EXOSC2: variants seen among roughly 807,000 people sequenced by gnomAD.
EXOSC2 encodes exosome component 2.
A neutral mutation model predicts 37.6 loss-of-function variants in EXOSC2; 29 were observed. The observed-to-expected ratio is 0.77, with a 90% confidence interval of 0.57 to 1.05. The LOEUF is 1.05. Ranked by LOEUF, EXOSC2 falls within the 50% of genes least tolerant of loss-of-function variation. EXOSC2 has a pLI of 0.00. For synonymous variants in EXOSC2, 119 were observed against 131.1 expected (o/e 0.91, Z 0.63); for missense variants, 346 against 365.6 (o/e 0.95, Z 0.44).
In EXOSC2 at chr9:130,702,271, C is replaced by T; in HGVS notation, c.633C>T (p.His211=). 6.2e-7 allele frequency: 1 copy of T among 1,614,092 alleles called. No homozygotes were observed. Among genetic ancestry groups the T allele is most frequent in the Middle Eastern group, 1.6e-4 (1 of 6,062 alleles). Residue 211 remains histidine (H), a synonymous_variant, in exon 7 of 9, where the codon CAC becomes CAT. Coordinates refer to ENST00000372358, the MANE Select transcript of EXOSC2 (RefSeq NM_014285.7). ...GFIWIYPTPE[H]KEEEAGGFIA... ...TCTGGATTTACCCAACACCTGAGCA[C>T]AAAGAAGAGGAAGCAGGGGGCTTCA... is the stretch of plus-strand genomic sequence containing the variant.
In EXOSC2 at chr9:130,693,866, T is replaced by G; in HGVS notation, c.75T>G (p.His25Gln). The G allele has an allele frequency of 6.2e-7, 1 of 1,612,218 alleles. No homozygotes were observed. The highest frequency in any genetic ancestry group is 1.1e-5 in the South Asian group (1 of 91,000). The part of the protein sequence containing the change: ...SERLGRDTKK[H>Q]LVVPGDTITT... ...GACTGGGCCGCGACACTAAGAAACA[T>G]CTAGTGGTGCCGGGGGATACAATCA... The change falls in exon 1 of 9, where the codon CAT becomes CAG. Residue 25 changes from histidine (H) to glutamine (Q), a missense_variant. His to Gln is a conservative substitution (Grantham distance 24). Transcript: ENST00000372358.
At chr9:130,699,486 G>A (rs2132635353) in intron 5 of EXOSC2, 92 bp downstream of exon 5, 4 of 1,270,538 alleles carry the variant, frequency 3.1e-6, no homozygotes, top group South Asian at 1.2e-5. Flanking sequence ...GAAGAACCAT[G>A]TCATCCTTGC....
At position 130,693,840 on chromosome 9, in the gene EXOSC2, A is replaced by G. The variant is rs780124515; in HGVS notation, c.49A>G (p.Arg17Gly). The G allele has an allele frequency of 6.2e-7, 1 of 1,611,262 alleles. No homozygotes were observed. The highest frequency in any genetic ancestry group is 8.5e-7 in the Non-Finnish European group (1 of 1,178,330). Residue 17 changes from arginine (R) to glycine (G), a missense_variant, in exon 1 of 9, where the codon AGA (arginine) becomes GGA (glycine). Coordinates refer to ENST00000372358, the MANE Select transcript of EXOSC2 (RefSeq NM_014285.7). ...AGTGGCTCGCAAGCCTCTTAGCGAGAGACTGGGCCGCGACACTAAGAAACA... is the reference window on the plus strand; with the variant it reads ...AGTGGCTCGCAAGCCTCTTAGCGAGGGACTGGGCCGCGACACTAAGAAACA... ...LPVARKPLSE[R>G]LGRDTKKHLV...
At position 130,695,665 on chromosome 9, in the gene EXOSC2, C is replaced by G. The variant is rs116465881; in HGVS notation, c.224+72C>G. On this transcript the variant is annotated intron_variant, in intron 2 of 8. Coordinates refer to ENST00000372358, the MANE Select transcript of EXOSC2 (RefSeq NM_014285.7). ...ACAACCAGGCTTTTCCTGCCCCCTCCTTATCCCCCACCCCACCCCTGCCTG... is the reference window on the plus strand; with the variant it reads ...ACAACCAGGCTTTTCCTGCCCCCTCGTTATCCCCCACCCCACCCCTGCCTG... The G allele has an allele frequency of 1.6e-3, 2,108 of 1,333,080 alleles. 34 individuals are homozygous for G. In the African/African-American group the frequency reaches 0.023, roughly 15 times the overall value. The allele number at this position is 1,333,080 out of a possible 1,614,324, so 82.6% of individuals were successfully genotyped here.
intron 2 of EXOSC2, among the ~76,000 whole-genome samples, chr9:130,696,786 G>A (rs1831105778): frequency 6.6e-6 from 1 of 152,136 alleles, no homozygotes; most frequent in Admixed American, 6.5e-5. Flanking sequence ...GACTTGTCCT[G>A]GAGCGTGAGA....
At chr9:130,702,986 TTCTG>T in intron 7 of EXOSC2, 63 bp from the exon 8 acceptor site, 4 of 1,554,640 alleles carry the variant, frequency 2.6e-6, no homozygotes, top group Non-Finnish European at 3.5e-6. Flanking sequence ...ATTTGTGAAT[TTCTG>T]TGGCTGGTCA....
In EXOSC2 at chr9:130,704,047, G is replaced by A. The variant is rs115596953; in HGVS notation, c.*273G>A. 1.4e-3 allele frequency: 389 copies of A among 279,372 alleles called. 4 individuals carry two copies. The highest frequency in any genetic ancestry group is 7.1e-3 in the African/African-American group (324 of 45,804). 17.3% of individuals were successfully genotyped at this position (279,372 alleles called of 1,614,324 possible). On this transcript the variant is annotated 3_prime_UTR_variant, in exon 9 of 9. Coordinates refer to ENST00000372358, the MANE Select transcript of EXOSC2 (RefSeq NM_014285.7). ...AAGTGCACAGTGTTACAGTCGAATG[G>A]GCTCCCATCCTGGAATAATATGGAG...
At chr9:130,703,264 C>A in intron 8 of EXOSC2, 83 bp downstream of exon 8, 2 of 1,467,174 alleles carry the variant, frequency 1.4e-6, no homozygotes, top group Non-Finnish European at 1.8e-6. Flanking sequence ...CACATCTCCC[C>A]AATACTTTCC....
rs373286412 is a variant in EXOSC2 at position 130,695,555 on chromosome 9, A to G, written c.186A>G (p.Arg62=). The change falls in exon 2 of 9, where the codon AGA becomes AGG. Residue 62 remains arginine, a synonymous_variant. Transcript: ENST00000372358. ...CATCTGTTGCTGGCTCTGTGGAGAG[A>G]GTAAACAAGTTGATCTGTGTGAAAG... ...LIASVAGSVE[R]VNKLICVKAL... 2.5e-6 allele frequency: 4 copies of G among 1,614,114 alleles called. No individual in the cohort carries two copies. The highest frequency in any genetic ancestry group is 2.7e-5 in the African/African-American group (2 of 74,938).
In EXOSC2 at chr9:130,694,536, A is replaced by G. The variant is rs1046864927; in HGVS notation, c.122+623A>G. 6.6e-6 allele frequency among the ~76,000 whole-genome samples: 1 copy of G among 152,176 alleles called. No homozygotes were observed. Among genetic ancestry groups the G allele is most frequent in the Non-Finnish European group, 1.5e-5 (1 of 68,036 alleles). Reference sequence around the variant, plus strand: ...AGTGATAATAACAGTATGATACGGTAATGAGGATTAAATGAGACAATTATG... The same window carrying G: ...AGTGATAATAACAGTATGATACGGTGATGAGGATTAAATGAGACAATTATG... On this transcript the variant is annotated intron_variant, in intron 1 of 8. Transcript: ENST00000372358. The surrounding 1 kb of genome is among the most constrained non-coding windows in gnomAD (Gnocchi z 4.0).
At position 130,699,412 on chromosome 9, in the gene EXOSC2, C is replaced by T. The variant is rs748326368; in HGVS notation, c.426+18C>T. ...TTATCAGTGTATCCTGCGCTTTGCA[C>T]TCCAGCCTCTTGATGCTTTTCTGTG... is the stretch of plus-strand genomic sequence containing the variant. On this transcript the variant is annotated intron_variant, in intron 5 of 8. Coordinates refer to ENST00000372358, the MANE Select transcript of EXOSC2 (RefSeq NM_014285.7). The T allele has an allele frequency of 4.3e-6, 7 of 1,612,680 alleles. No homozygotes were observed. In the South Asian group the frequency reaches 7.7e-5, roughly 18 times the overall value.
chr9:130,696,676 C>T (rs1010389158), intron 2 of EXOSC2, among the ~76,000 whole-genome samples: 1 of 152,176 alleles, frequency 6.6e-6, no homozygotes, highest in African/African-American at 2.4e-5. Context: ...AGGACCCCGT[C>T]AACTGTGAAT....
rs754267970 is a variant in EXOSC2 at position 130,699,318 on chromosome 9, G to A, written c.361-11G>A. ...CTGGCTTAAGTAATGTCATTTCTTTGTGTATTTCAGAGGAGAAGATCTGCA... is the reference window on the plus strand; with the variant it reads ...CTGGCTTAAGTAATGTCATTTCTTTATGTATTTCAGAGGAGAAGATCTGCA... On this transcript the variant is annotated splice_polypyrimidine_tract_variant and intron_variant, in intron 4 of 8. Coordinates refer to ENST00000372358, the MANE Select transcript of EXOSC2 (RefSeq NM_014285.7). 9 of 1,613,864 alleles carry A rather than the reference G, an allele frequency of 5.6e-6. No homozygotes were observed. Among genetic ancestry groups the A allele is most frequent in the Admixed American group, 1.7e-5 (1 of 60,002 alleles).
chr9:130,693,820 C>T lies in EXOSC2; in HGVS notation c.29C>T (p.Ala10Val), dbSNP rs1364784713. 17 of 1,609,572 alleles carry T rather than the reference C, an allele frequency of 1.1e-5. No individual in the cohort carries two copies. Among genetic ancestry groups the T allele is most frequent in the African/African-American group, 1.3e-5 (1 of 74,762 alleles). The stretch of plus-strand genomic sequence containing the variant: ...GCGATGGAGATGAGGCTTCCAGTGG[C>T]TCGCAAGCCTCTTAGCGAGAGACTG... MAMEMRLPV[A>V]RKPLSERLGR... The change falls in exon 1 of 9, where the codon GCT (alanine) becomes GTT (valine). Residue 10 changes from alanine to valine, a missense_variant. By Grantham distance (64) the Ala-to-Val change is moderately conservative. Coordinates refer to ENST00000372358, the MANE Select transcript of EXOSC2 (RefSeq NM_014285.7).
Position 130,693,807 on chromosome 9 carries a change from A to T in EXOSC2, c.16A>T (p.Arg6Trp). ...TGGCGCCAAGATGGCGATGGAGATG[A>T]GGCTTCCAGTGGCTCGCAAGCCTCT... is the stretch of plus-strand genomic sequence containing the variant. MAMEM[R>W]LPVARKPLSE... is the part of the protein sequence containing the mutation. The change falls in exon 1 of 9, where the codon AGG becomes TGG. Residue 6 changes from arginine (R) to tryptophan (W), a missense_variant. Coordinates refer to ENST00000372358, the MANE Select transcript of EXOSC2 (RefSeq NM_014285.7). 6 of 1,606,544 alleles carry T rather than the reference A, an allele frequency of 3.7e-6. No homozygotes were observed. The highest frequency in any genetic ancestry group is 5.1e-6 in the Non-Finnish European group (6 of 1,175,120).
intron 7 of EXOSC2, 148 bp from the exon 8 acceptor site, chr9:130,702,905 A>G (rs1293158317): frequency 4.1e-6 from 4 of 968,548 alleles, no homozygotes; most frequent in African/African-American, 3.3e-5. Flanking sequence ...ATTCCTTTTA[A>G]TCTCCCTTGG....
rs752003907 is a variant in EXOSC2, at chr9:130,703,192, C to T, written c.801+11C>T. On this transcript the variant is annotated intron_variant, in intron 8 of 8. Coordinates refer to ENST00000372358, the MANE Select transcript of EXOSC2 (RefSeq NM_014285.7). ...TCCCTTCCACATCAGGTACTCTCCCCAGGGCCTCTCCCTTCTTCACTGATC... is the reference window on the plus strand; with the variant it reads ...TCCCTTCCACATCAGGTACTCTCCCTAGGGCCTCTCCCTTCTTCACTGATC... The T allele has an allele frequency of 3.7e-6, 6 of 1,602,986 alleles. No homozygotes were observed. Among genetic ancestry groups the T allele is most frequent in the African/African-American group, 2.7e-5 (2 of 74,708 alleles).
At chr9:130,695,402 T>C in intron 1 of EXOSC2, 90 bp from the exon 2 acceptor site, 1 of 1,127,582 alleles carries the variant, frequency 8.9e-7, no homozygotes, top group Non-Finnish European at 1.4e-6. Context: ...GGGGAGCCTG[T>C]TAGCTTTGAG....
In EXOSC2 at chr9:130,696,240, A is replaced by G. The variant is rs532855976; in HGVS notation, c.224+647A>G. ...AGAGCCTGATACCTAGAAGCATTCA[A>G]TGAAGGTTAGCCCCAGAAAGCAAGC... On this transcript the variant is annotated intron_variant, in intron 2 of 8. Transcript: ENST00000372358. 2.0e-5 allele frequency among the ~76,000 whole-genome samples: 3 copies of G among 152,326 alleles called. No individual in the cohort carries two copies. In the South Asian group the frequency reaches 6.2e-4, roughly 32 times the overall value.
Sources: gnomAD v4.1 joint callset for allele counts (sites outside exome capture counted in the v4.1 genomes callset) on GRCh38, gnomAD v4.1.1 for gene constraint, Gnocchi (gnomAD v3.1) non-coding constraint, MANE v1.5 for transcripts, NCBI Gene and HGNC (gene_info 2026-07-23, HGNC 2026-07-21) for gene names.